RBM6: variants seen among roughly 807,000 people sequenced by gnomAD.
RBM6 encodes RNA-binding protein 6.
In RBM6, 23 loss-of-function variants were observed where a neutral mutation model predicts 140.4. The observed-to-expected ratio is 0.16, with a 90% CI of 0.12 to 0.23. The LOEUF is 0.23. Among genes scored for constraint, RBM6 ranks in the 10% least tolerant of loss-of-function variants. RBM6 has a pLI of 1.00. For synonymous variants in RBM6, 439 were observed against 475.6 expected, an observed-to-expected ratio of 0.92 and a Z score of 1.00; for missense variants, 1,139 against 1,386.7, an observed-to-expected ratio of 0.82 and a Z score of 2.84.
At position 49,967,159 on chromosome 3, in the gene RBM6, T is replaced by C; in HGVS notation, c.45-311T>C. ...GGAAATTTTTGTAGTATGTCACCAT[T>C]GTTAGCTTATTTGGTATTGCGGATT... is the stretch of plus-strand genomic sequence containing the variant. On this transcript the variant is annotated intron_variant, in intron 2 of 20. Coordinates refer to ENST00000266022, the MANE Select transcript of RBM6 (RefSeq NM_005777.3). The surrounding 1 kb of genome is among the most constrained non-coding windows in gnomAD (Gnocchi z 4.0). 5.8e-6 allele frequency: 6 copies of C among 1,030,368 alleles called. No homozygotes were observed. Among genetic ancestry groups the C allele is most frequent in the African/African-American group, 1.7e-5 (1 of 60,352 alleles). The allele number at this position is 1,030,368 out of a possible 1,614,324, so 63.8% of individuals were successfully genotyped here. A position where few individuals can be genotyped will look rare whatever the true frequency, so the allele number is the denominator to read the frequency against.
rs1480472187 is a variant in RBM6, at chr3:49,967,004, C to T, written c.45-466C>T. Among the ~76,000 whole-genome samples, 1 of 151,988 alleles carries T rather than the reference C, an allele frequency of 6.6e-6. No homozygotes were observed. Among genetic ancestry groups the T allele is most frequent in the Admixed American group, 6.6e-5 (1 of 15,230 alleles). On this transcript the variant is annotated intron_variant, in intron 2 of 20. Coordinates refer to ENST00000266022, the MANE Select transcript of RBM6 (RefSeq NM_005777.3). This position sits in a 1 kb window ranked among gnomAD's most constrained non-coding sequence, Gnocchi z 4.0. ...GTAATAAAATATTTTTGAATGTTAC[C>T]GCTGGATGCAGCGTGAGAAAGATAC...
At chr3:49,965,160 C>A (rs1476489550) in intron 2 of RBM6, among the ~76,000 whole-genome samples, 1 of 152,130 alleles carries the variant, frequency 6.6e-6, no homozygotes, top group African/African-American at 2.4e-5. Context: ...TACTCTAAAT[C>A]TATTTGATCT....
chr3:50,029,731 T>C (rs2088039973), intron 6 of RBM6, among the ~76,000 whole-genome samples: 1 of 151,754 alleles, frequency 6.6e-6, no homozygotes, highest in South Asian at 2.1e-4. Flanking sequence ...AGACTCTGTC[T>C]CAAAAAATAA....
chr3:50,012,342 C>T (rs1010786276), intron 6 of RBM6, among the ~76,000 whole-genome samples: 1 of 151,940 alleles, frequency 6.6e-6, no homozygotes, highest in African/African-American at 2.4e-5. Flanking sequence ...ACCACCATGC[C>T]CAGTCCATTC....
chr3:50,070,122 C>T (rs1461393156), intron 18 of RBM6, among the ~76,000 whole-genome samples: 2 of 151,958 alleles, frequency 1.3e-5, no homozygotes, highest in African/African-American at 2.4e-5. Context: ...TTTGGGAGGC[C>T]GAGGCTGGTG....
At chr3:50,030,730 T>C (rs1393535135) in intron 6 of RBM6, among the ~76,000 whole-genome samples, 2 of 152,226 alleles carry the variant, frequency 1.3e-5, no homozygotes, top group East Asian at 3.8e-4. Flanking sequence ...CCAGGTTCTT[T>C]CAACCATGTA....
intron 19 of RBM6, among the ~76,000 whole-genome samples, chr3:50,071,611 T>C (rs62263586): frequency 0.079 from 12,001 of 151,868 alleles, 525 homozygotes; most frequent in African/African-American, 0.1. Context: ...CTAGGCAACA[T>C]AGGGAGAAGG....
intron 1 of RBM6, among the ~76,000 whole-genome samples, chr3:49,945,475 G>A (rs1367591731): frequency 5.9e-5 from 9 of 152,100 alleles, no homozygotes; most frequent in Non-Finnish European, 1.5e-5. Context: ...GTGTACAAAG[G>A]TTTTGTTATA....
intron 5 of RBM6, among the ~76,000 whole-genome samples, chr3:49,998,982 G>T (rs1167798650): frequency 6.6e-6 from 1 of 151,490 alleles, no homozygotes; most frequent in Non-Finnish European, 1.5e-5. Flanking sequence ...CTTGAAAAGT[G>T]GTGACTATTA....
At chr3:50,054,716 A>G (rs2089632416) in intron 8 of RBM6, among the ~76,000 whole-genome samples, 1 of 152,046 alleles carries the variant, frequency 6.6e-6, no homozygotes, top group Admixed American at 6.6e-5. Flanking sequence ...GGGTTTCACC[A>G]TGTTGGTCAG....
At chr3:49,962,150 T>TAAAAAAA (rs66697775) in intron 1 of RBM6, among the ~76,000 whole-genome samples, 4 of 112,458 alleles carry the variant, frequency 3.6e-5, no homozygotes, top group Non-Finnish European at 1.8e-5. Context: ...CTCCATCTCT[T>TAAAAAAA]AAAAAAAAAA....
rs777118077 is a variant in RBM6 at position 49,967,727 on chromosome 3, C to T, written c.302C>T (p.Ser101Leu). The change falls in exon 3 of 21, where the codon TCG becomes TTG. Residue 101 changes from serine to leucine, a missense_variant. This residue lies in a region of RBM6 where 566 missense variants were observed against 612.7 expected (regional missense o/e 0.92). Transcript: ENST00000266022. This position sits in a 1 kb window ranked among gnomAD's most constrained non-coding sequence, Gnocchi z 4.0. ...CATGATTTCAGGGGGGGAGATTTTTCGTCTTCTGATTTCCAGAGCAGAGAT... is the reference window on the plus strand; with the variant it reads ...CATGATTTCAGGGGGGGAGATTTTTTGTCTTCTGATTTCCAGAGCAGAGAT... ...PGHDFRGGDF[S>L]SSDFQSRDSS... The T allele has an allele frequency of 1.1e-5, 17 of 1,613,878 alleles. No homozygotes were observed. Among genetic ancestry groups the T allele is most frequent in the African/African-American group, 2.7e-5 (2 of 74,852 alleles).
rs759553877 is a variant in RBM6, at chr3:49,967,953, G to T, written c.528G>T (p.Arg176Ser). The change falls in exon 3 of 21, where the codon AGG (arginine) becomes AGT (serine). Residue 176 changes from arginine to serine, a missense_variant. Physicochemically the swap from Arg to Ser is moderately radical, Grantham distance 110. Around this residue, in one of 9 missense-constraint regions of RBM6, gnomAD observed 566 missense variants for 612.7 expected, o/e 0.92. Transcript: ENST00000266022. The surrounding 1 kb of genome is among the most constrained non-coding windows in gnomAD (Gnocchi z 4.0). ...GGGATGCTCCTCCATCTGACTTCAGGGGCCGGGGCACTTATGATTTAGATT... is the reference window on the plus strand; with the variant it reads ...GGGATGCTCCTCCATCTGACTTCAGTGGCCGGGGCACTTATGATTTAGATT... ...RGRDAPPSDF[R>S]GRGTYDLDFR... 3.1e-6 allele frequency: 5 copies of T among 1,614,136 alleles called. No homozygotes were observed. In the Admixed American group the frequency reaches 8.3e-5, roughly 27 times the overall value.
At chr3:50,060,261 C>T (rs2089882684) in intron 11 of RBM6, among the ~76,000 whole-genome samples, 1 of 152,152 alleles carries the variant, frequency 6.6e-6, no homozygotes, top group Non-Finnish European at 1.5e-5. Context: ...CTTTTCCTTC[C>T]CCTGACCTTG....
chr3:49,968,700 GTCTTT>G lies in RBM6; in HGVS notation c.1278_1282del (p.Phe427ArgfsTer18). On this transcript the variant is annotated frameshift_variant, in exon 3 of 21. Transcript: ENST00000266022. LOFTEE classifies it high-confidence loss of function. The stretch of plus-strand genomic sequence containing the variant: ...AGATGTTTGGCTATGGCCAGAGCAA[GTCTTT>G]TCCAGAGGGCAAAACTGCCCGAGAT... 6.5e-7 allele frequency: 1 copy of G among 1,541,286 alleles called. No homozygotes were observed. The highest frequency in any genetic ancestry group is 8.8e-7 in the Non-Finnish European group (1 of 1,137,700).
Position 50,066,483 on chromosome 3 carries a change from A to G in RBM6, c.2924A>G (p.Gln975Arg). Residue 975 changes from glutamine (Q) to arginine (R), a missense_variant, in exon 17 of 21, where the codon CAG (glutamine) becomes CGG (arginine). Gln to Arg is a conservative substitution (Grantham distance 43, BLOSUM62 1). Transcript: ENST00000266022. ...PNKEVLIKHQ[Q>R]LSDLHKQNLE... ...AAAGAAGTTCTGATCAAACACCAGC[A>G]GCTGTCAGACCTGCACAAGGTATTA... 1 of 1,613,582 alleles carries G rather than the reference A, an allele frequency of 6.2e-7. No homozygotes were observed. The highest frequency in any genetic ancestry group is 1.7e-5 in the Admixed American group (1 of 60,022).
intron 7 of RBM6, among the ~76,000 whole-genome samples, chr3:50,052,349 G>A (rs556310058): frequency 6.6e-6 from 1 of 152,326 alleles, no homozygotes; most frequent in South Asian, 2.1e-4. Context: ...ACTGGCATGA[G>A]CCATCATGCC....
At chr3:50,017,254 G>A (rs1489452303) in intron 6 of RBM6, among the ~76,000 whole-genome samples, 1 of 152,068 alleles carries the variant, frequency 6.6e-6, no homozygotes, top group Non-Finnish European at 1.5e-5. Flanking sequence ...ATGCACGTAT[G>A]TCTTCTTTCA....
chr3:50,000,335 G>GT (rs372944661), intron 6 of RBM6, among the ~76,000 whole-genome samples: 73 of 121,232 alleles, frequency 6.0e-4, no homozygotes, highest in South Asian at 2.7e-3. Flanking sequence ...AGTTTGATGT[G>GT]TTTTTTTTTT....
Sources: gnomAD v4.1 joint callset for allele counts (sites outside exome capture counted in the v4.1 genomes callset) on GRCh38, gnomAD v4.1.1 for gene constraint, gnomAD v4.1.1 regional missense constraint, Gnocchi (gnomAD v3.1) non-coding constraint, MANE v1.5 for transcripts, NCBI Gene and HGNC (gene_info 2026-07-23, HGNC 2026-07-21) for gene names.